HSPH1: variants seen among roughly 807,000 people sequenced by gnomAD.
HSPH1 encodes the protein heat shock protein 105 kDa.
HSPH1 carries 40 observed loss-of-function variants against 100.0 expected under a neutral mutation model. The ratio of observed to expected loss-of-function variants is 0.40; its 90% CI spans 0.31 to 0.52. The LOEUF is 0.52. Among genes scored for constraint, HSPH1 ranks in the 20% least tolerant of loss-of-function variants. HSPH1 has a pLI of 0.54. For missense variants in HSPH1, 876 were observed against 1,015.1 expected (o/e 0.86, Z 1.86); for synonymous variants, 403 against 344.0 (o/e 1.17, Z -1.90).
At chr13:31,150,308 T>C in intron 7 of HSPH1, 126 bp from the exon 8 acceptor site, 1 of 638,416 alleles carries the variant, frequency 1.6e-6, no homozygotes, top group Non-Finnish European at 2.7e-6. Context: ...CAAGTTTAGC[T>C]GTATTGTAGT....
upstream of HSPH1, chr13:31,162,008 G>A (rs1956943804): frequency 7.2e-6 from 11 of 1,536,024 alleles, no homozygotes. Flanking sequence ...CCCTCCACGT[G>A]CCACTTCCGC....
At chr13:31,147,616 A>G (rs1400746542) in intron 10 of HSPH1, among the ~76,000 whole-genome samples, 1 of 152,106 alleles carries the variant, frequency 6.6e-6, no homozygotes, top group East Asian at 1.9e-4. Context: ...TAATCTAGAG[A>G]AAAAGTTAGT....
In HSPH1 at chr13:31,141,278, A is replaced by G. The variant is rs764363282; in HGVS notation, c.1717-19T>C. 78 of 1,569,322 alleles carry G rather than the reference A, an allele frequency of 5.0e-5. No individual in the cohort carries two copies. The highest frequency in any genetic ancestry group is 6.7e-5 in the Non-Finnish European group (78 of 1,162,766). On this transcript the variant is annotated intron_variant, in intron 12 of 17. Transcript: ENST00000320027. ...CATTTGCCTTGGGAAGAGGAATAAA[A>G]AAAGGAAAAAATTTTAAACAACCCA...
upstream of HSPH1, chr13:31,161,986 G>C (rs966140263): frequency 1.8e-5 from 28 of 1,535,928 alleles, no homozygotes; most frequent in Non-Finnish European, 2.2e-5. Context: ...ACTCACCGGC[G>C]CCTCCACCGG....
At position 31,137,235 on chromosome 13, in the gene HSPH1, AAT is replaced by A. The variant is rs1486123275; in HGVS notation, c.*81_*82del. 1.1e-5 allele frequency: 9 copies of A among 839,834 alleles called. No homozygotes were observed. The highest frequency in any genetic ancestry group is 1.6e-5 in the Non-Finnish European group (8 of 513,542). 52.0% of individuals were successfully genotyped at this position (839,834 alleles called of 1,614,324 possible). A position where few individuals can be genotyped will look rare whatever the true frequency, so the allele number is the denominator to read the frequency against. On this transcript the variant is annotated 3_prime_UTR_variant, in exon 18 of 18. Transcript: ENST00000320027. ...AAATATCCTTAAAAAAGAAAATATA[AAT>A]AGTTTCAGTATGTTATGTAGAGTCA...
At chr13:31,144,157 T>C (rs976441964) in intron 11 of HSPH1, among the ~76,000 whole-genome samples, 27 of 152,124 alleles carry the variant, frequency 1.8e-4, no homozygotes, top group Non-Finnish European at 1.2e-4. Context: ...ATAACACAAG[T>C]AAGCATTTAA....
intron 10 of HSPH1, among the ~76,000 whole-genome samples, chr13:31,146,848 A>C (rs1156362466): frequency 6.6e-6 from 1 of 151,654 alleles, no homozygotes; most frequent in Non-Finnish European, 1.5e-5. Context: ...AGTCAAAAAT[A>C]AGTATTTTGA....
In HSPH1 at chr13:31,161,684, C is replaced by A; in HGVS notation, c.-102G>T. ...CTTTCTGCCCTGGCCGCGTTCTGCT[C>A]CGGCCCGCGGGGTCTGGCCGTTCCT... On this transcript the variant is annotated 5_prime_UTR_variant, in exon 1 of 18. Coordinates refer to ENST00000320027, the MANE Select transcript of HSPH1 (RefSeq NM_006644.4). 1 of 1,552,972 alleles carries A rather than the reference C, an allele frequency of 6.4e-7. No homozygotes were observed. Among genetic ancestry groups the A allele is most frequent in the South Asian group, 1.2e-5 (1 of 86,032 alleles).
chr13:31,153,417 T>C (rs1340435863), intron 4 of HSPH1, among the ~76,000 whole-genome samples: 1 of 152,196 alleles, frequency 6.6e-6, no homozygotes, highest in Non-Finnish European at 1.5e-5. Flanking sequence ...GCCACCACCC[T>C]TTCAGTTCTG....
rs143419945 is a variant in HSPH1, at chr13:31,145,640, T to C, written c.1507A>G (p.Thr503Ala). The part of the protein sequence containing the change: ...STASMVEKVP[T>A]EENEMSSEAD... ...TCAGAAGACATTTCATTCTCCTCAG[T>C]TGGGACTTTCTCCACCATAGATGCC... The change falls in exon 11 of 18, where the codon ACT becomes GCT. Residue 503 changes from threonine (T) to alanine (A), a missense_variant. Physicochemically the swap from Thr to Ala is moderately conservative, Grantham distance 58. Coordinates refer to ENST00000320027, the MANE Select transcript of HSPH1 (RefSeq NM_006644.4). 2.0e-5 allele frequency: 33 copies of C among 1,613,558 alleles called. No homozygotes were observed. The African/African-American group carries it at 2.3e-4, about 11-fold the overall frequency.
At chr13:31,138,677 C>T in intron 16 of HSPH1, 104 bp downstream of exon 16, 1 of 1,522,866 alleles carries the variant, frequency 6.6e-7, no homozygotes, top group Non-Finnish European at 8.8e-7. Context: ...ACCTCAAATA[C>T]CAAAATTTCA....
At chr13:31,151,500 A>T (rs1250327982) in intron 6 of HSPH1, 109 bp downstream of exon 6, 11 of 1,043,780 alleles carry the variant, frequency 1.1e-5, no homozygotes, top group Non-Finnish European at 1.4e-5. Flanking sequence ...CTTTACCTAA[A>T]ATAAAACTCT....
chr13:31,140,905 A>G (rs561138079), intron 13 of HSPH1: 2 of 359,762 alleles, frequency 5.6e-6, no homozygotes, highest in Non-Finnish European at 9.8e-6. Flanking sequence ...ATTTTTTCAC[A>G]AGAACTCAGC....
At chr13:31,137,606 A>G in intron 17 of HSPH1, 82 bp from the exon 18 acceptor site, 1 of 965,348 alleles carries the variant, frequency 1.0e-6, no homozygotes, top group Non-Finnish European at 1.6e-6. Context: ...TACTCAACCC[A>G]CTATTTTTCT....
In HSPH1 at chr13:31,139,122, T is replaced by A; in HGVS notation, c.1981-15A>T. 6.8e-7 allele frequency: 1 copy of A among 1,474,580 alleles called. No individual in the cohort carries two copies. Among genetic ancestry groups the A allele is most frequent in the South Asian group, 1.1e-5 (1 of 88,176 alleles). The allele number at this position is 1,474,580 out of a possible 1,614,324, so 91.3% of individuals were successfully genotyped here. On this transcript the variant is annotated splice_polypyrimidine_tract_variant and intron_variant, in intron 14 of 17. Coordinates refer to ENST00000320027, the MANE Select transcript of HSPH1 (RefSeq NM_006644.4). The stretch of plus-strand genomic sequence containing the variant: ...TTTTGATGATCCTTAACACAAAATA[T>A]GACAATATTAGTGGCACTCGTACTT...
rs192245012 is a variant in HSPH1 at position 31,140,766 on chromosome 13, T to G, written c.1854+356A>C. ...CCCACCTCAGTATGGAAAAACCAAA[T>G]CTCAATTATTTCACATATTATTCTA... On this transcript the variant is annotated intron_variant, in intron 13 of 17. Transcript: ENST00000320027. 7.9e-5 allele frequency: 14 copies of G among 176,550 alleles called. No individual in the cohort carries two copies. In the East Asian group the frequency reaches 2.0e-3, roughly 25 times the overall value. 10.9% of individuals were successfully genotyped at this position (176,550 alleles called of 1,614,324 possible). A position where few individuals can be genotyped will look rare whatever the true frequency, so the allele number is the denominator to read the frequency against.
chr13:31,141,649 A>G (rs1008417371), intron 12 of HSPH1, among the ~76,000 whole-genome samples: 1 of 152,074 alleles, frequency 6.6e-6, no homozygotes, highest in Non-Finnish European at 1.5e-5. Context: ...ACCAGTACAA[A>G]ACACGTTAGG....
Position 31,137,779 on chromosome 13 carries a change from A to G in HSPH1, c.2371-255T>C, listed in dbSNP as rs1401869002. On this transcript the variant is annotated intron_variant, in intron 17 of 17. Coordinates refer to ENST00000320027, the MANE Select transcript of HSPH1 (RefSeq NM_006644.4). ...AATCCTCACAACAGTGTTAAAAGAC[A>G]GAAATTATAATCTCCACTTCATGGA... 7.9e-5 allele frequency among the ~76,000 whole-genome samples: 12 copies of G among 152,202 alleles called. 1 individual carries two copies. Among genetic ancestry groups the G allele is most frequent in the Admixed American group, 5.9e-4 (9 of 15,270 alleles).
At chr13:31,153,020 CT>C in intron 4 of HSPH1, 69 bp from the exon 5 acceptor site, 1 of 1,080,606 alleles carries the variant, frequency 9.3e-7, no homozygotes, top group Non-Finnish European at 1.4e-6. Context: ...TCACAAACCA[CT>C]TATAAATTCA....
Sources: allele counts gnomAD v4.1 joint callset (sites outside exome capture counted in the v4.1 genomes callset), GRCh38; gene constraint gnomAD v4.1.1; transcripts MANE v1.5; gene names NCBI Gene and HGNC (gene_info 2026-07-23, HGNC 2026-07-21).